POLE2: variants seen among roughly 807,000 people sequenced by gnomAD.
POLE2 encodes DNA polymerase epsilon subunit 2.
Under a neutral mutation model 79.4 loss-of-function variants are expected in POLE2, and 56 were observed. The observed-to-expected ratio is 0.71, with a 90% CI of 0.57 to 0.88. The LOEUF (loss-of-function observed/expected upper bound fraction) is 0.88, where lower values mean the gene tolerates loss of function less well. POLE2 is among the 40% of genes least tolerant of loss of function. The pLI, the probability that POLE2 is intolerant of heterozygous loss-of-function variation, is 0.00. For synonymous variants in POLE2, 212 were observed against 214.0 expected (o/e 0.99, Z 0.08); for missense variants, 598 against 638.9 (o/e 0.94, Z 0.69).
intron 10 of POLE2, among the ~76,000 whole-genome samples, chr14:49,660,614 C>A (rs1358533286): frequency 6.6e-6 from 1 of 152,104 alleles, no homozygotes; most frequent in African/African-American, 2.4e-5. Context: ...TTGGGCCAGG[C>A]ACAGTGGCTC....
chr14:49,687,299 ACC>A (rs1491552213), intron 1 of POLE2, among the ~76,000 whole-genome samples: 1 of 97,978 alleles, frequency 1.0e-5, no homozygotes, highest in East Asian at 2.3e-4. Context: ...ATACACACAC[ACC>A]ACACACACAC....
intron 10 of POLE2, among the ~76,000 whole-genome samples, chr14:49,658,653 A>C (rs1196766985): frequency 6.6e-6 from 1 of 152,196 alleles, no homozygotes; most frequent in Non-Finnish European, 1.5e-5. Context: ...ACAGAATGAT[A>C]ATGGAACTGA....
intron 15 of POLE2, among the ~76,000 whole-genome samples, chr14:49,653,576 A>G (rs373133824): frequency 1.0e-3 from 157 of 152,280 alleles, no homozygotes; most frequent in African/African-American, 3.5e-3. Flanking sequence ...TTATTCCATA[A>G]CAGTCGAAAT....
At chr14:49,646,255 A>G (rs568738900) in intron 18 of POLE2, among the ~76,000 whole-genome samples, 198 of 150,660 alleles carry the variant, frequency 1.3e-3, no homozygotes, top group Non-Finnish European at 2.0e-3. Context: ...TTCTCTGACA[A>G]TAACCTGGAG....
chr14:49,685,708 TC>T (rs1887079074), intron 1 of POLE2, among the ~76,000 whole-genome samples: 1 of 152,034 alleles, frequency 6.6e-6, no homozygotes, highest in South Asian at 2.1e-4. Flanking sequence ...AACCTTCACC[TC>T]CCGGGTTCAA....
chr14:49,676,913 A>AGAGCCCACTCATCCTGGAC (rs1886317811), intron 3 of POLE2, among the ~76,000 whole-genome samples: 2 of 152,246 alleles, frequency 1.3e-5, no homozygotes, highest in Non-Finnish European at 2.9e-5. Context: ...ATTGCCTGGA[A>AGAGCCCACTCATCCTGGAC]GAGCCCACTC....
intron 9 of POLE2, 70 bp from the exon 10 acceptor site, chr14:49,663,457 C>T: frequency 9.3e-7 from 1 of 1,069,738 alleles, no homozygotes; most frequent in Non-Finnish European, 1.4e-6. Context: ...TATGTTACAA[C>T]AAAGCAATAA....
intron 3 of POLE2, chr14:49,677,882 G>A: frequency 2.6e-6 from 1 of 380,314 alleles, no homozygotes; most frequent in Non-Finnish European, 4.7e-6. Context: ...CCAGCACACT[G>A]CCCAAATCTG....
At chr14:49,681,394 G>C (rs572843560) in intron 2 of POLE2, 84 of 182,390 alleles carry the variant, frequency 4.6e-4, no homozygotes, top group Non-Finnish European at 7.5e-4. Flanking sequence ...AACTGGAACA[G>C]AGGTTTAGTT....
intron 11 of POLE2, 143 bp downstream of exon 11, chr14:49,655,523 TTAAAA>T (rs2139624773): frequency 3.2e-6 from 2 of 618,596 alleles, no homozygotes; most frequent in East Asian, 6.0e-5. Flanking sequence ...ATTTAAGTCT[TTAAAA>T]TGAAATCTAA....
chr14:49,677,913 G>T, intron 3 of POLE2: 1 of 330,802 alleles, frequency 3.0e-6, no homozygotes, highest in South Asian at 1.4e-4. Context: ...TGGCCATATT[G>T]AGAAGGTGGC....
intron 18 of POLE2, among the ~76,000 whole-genome samples, chr14:49,645,803 T>C (rs1384258565): frequency 6.6e-6 from 1 of 152,198 alleles, no homozygotes; most frequent in Non-Finnish European, 1.5e-5. Flanking sequence ...GCTAATTTTT[T>C]GTATTTTTTT....
chr14:49,682,429 C>T (rs983445925), intron 2 of POLE2, among the ~76,000 whole-genome samples: 1 of 151,192 alleles, frequency 6.6e-6, no homozygotes, highest in Non-Finnish European at 1.5e-5. Flanking sequence ...CTGAAGTTGG[C>T]GGTTCGAGAC....
Position 49,674,408 on chromosome 14 carries a change from T to C in POLE2, c.265A>G (p.Ile89Val), listed in dbSNP as rs778324639. ...AAGCGTGGAATATCAAATGCTCCTA[T>C]GATATTGAAAACGTGCTCTCTGAAA... ...DETIEHVFNI[I>V]GAFDIPRFVY... is the part of the protein sequence containing the mutation. Residue 89 changes from isoleucine (I) to valine (V), a missense_variant, in exon 4 of 19, where the codon ATA becomes GTA. Coordinates refer to ENST00000216367, the MANE Select transcript of POLE2 (RefSeq NM_002692.4). 4.3e-6 allele frequency: 7 copies of C among 1,610,132 alleles called. No homozygotes were observed. The highest frequency in any genetic ancestry group is 4.2e-6 in the Non-Finnish European group (5 of 1,177,010).
chr14:49,687,021 C>T (rs1223297765), intron 1 of POLE2, among the ~76,000 whole-genome samples: 1 of 152,076 alleles, frequency 6.6e-6, no homozygotes, highest in African/African-American at 2.4e-5. Context: ...CAGTGGTTCA[C>T]GCCTGTAATT....
At chr14:49,647,056 G>C in intron 18 of POLE2, 1 of 333,466 alleles carries the variant, frequency 3.0e-6, no homozygotes, top group Non-Finnish European at 5.4e-6. Flanking sequence ...CACCTCCACA[G>C]CTGGCCTGAG....
chr14:49,686,748 A>T (rs1375345727), intron 1 of POLE2, among the ~76,000 whole-genome samples: 1 of 152,170 alleles, frequency 6.6e-6, no homozygotes, highest in Non-Finnish European at 1.5e-5. Flanking sequence ...TTAATGAACA[A>T]AAGCTTAATA....
At chr14:49,684,991 T>A (rs991852016) in intron 1 of POLE2, among the ~76,000 whole-genome samples, 2 of 151,730 alleles carry the variant, frequency 1.3e-5, no homozygotes, top group Non-Finnish European at 2.9e-5. Context: ...AATAAATAAA[T>A]AAAATAAAAT....
chr14:49,652,079 G>A (rs574261282), intron 15 of POLE2, among the ~76,000 whole-genome samples: 5 of 152,094 alleles, frequency 3.3e-5, no homozygotes, highest in African/African-American at 9.6e-5. Context: ...TTCCAATGAG[G>A]GTCCCTTTTT....
Sources: allele counts gnomAD v4.1 joint callset (sites outside exome capture counted in the v4.1 genomes callset), GRCh38; gene constraint gnomAD v4.1.1; transcripts MANE v1.5; gene names NCBI Gene and HGNC (gene_info 2026-07-23, HGNC 2026-07-21).